Variants in EML6 observed in about 807,000 individuals in gnomAD.
EML6 encodes the protein echinoderm microtubule-associated protein-like 6.
Under a neutral mutation model 240.1 loss-of-function variants are expected in EML6, and 154 were observed. The ratio of observed to expected loss-of-function variants is 0.64; its 90% CI spans 0.56 to 0.73. The LOEUF (loss-of-function observed/expected upper bound fraction) is 0.73, where lower values mean the gene tolerates loss of function less well. Among genes scored for constraint, EML6 ranks in the 30% least tolerant of loss-of-function variants. The probability of loss-of-function intolerance (pLI) is 0.00; values close to 1 mark genes in which losing one functional copy is unlikely to be tolerated. For missense variants in EML6, 2,964 were observed against 2,474.6 expected, an observed-to-expected ratio of 1.20 and a Z score of -4.20; for synonymous variants, 1,148 against 899.0, an observed-to-expected ratio of 1.28 and a Z score of -4.95.
intron 16 of EML6, among the ~76,000 whole-genome samples, chr2:54,878,323 C>G (rs1671616030): frequency 6.6e-6 from 1 of 152,140 alleles, no homozygotes; most frequent in South Asian, 2.1e-4. Flanking sequence ...TTTATTTACC[C>G]TCATGGCTGG....
chr2:54,950,140 A>C (rs1675900308), intron 29 of EML6, among the ~76,000 whole-genome samples: 1 of 131,990 alleles, frequency 7.6e-6, no homozygotes, highest in Admixed American at 7.1e-5. Context: ...AACAGTATCT[A>C]GTTTTTGGGG....
intron 2 of EML6, among the ~76,000 whole-genome samples, chr2:54,804,852 T>A (rs181252238): frequency 4.6e-5 from 7 of 152,360 alleles, no homozygotes; most frequent in Admixed American, 3.3e-4. Flanking sequence ...TCTTTAGACA[T>A]GTTGACTTCC....
chr2:54,891,542 T>C (rs1672467924), intron 18 of EML6, among the ~76,000 whole-genome samples: 1 of 152,202 alleles, frequency 6.6e-6, no homozygotes, highest in Non-Finnish European at 1.5e-5. Flanking sequence ...AAACCTGAAT[T>C]AAACCCTGAG....
chr2:54,903,633 C>T (rs891834078), intron 24 of EML6, 131 bp downstream of exon 24: 2 of 767,752 alleles, frequency 2.6e-6, no homozygotes, highest in Admixed American at 6.2e-5. Flanking sequence ...ATATAAACGA[C>T]TGTAATTTTA....
chr2:54,862,752 T>C (rs1314379184), intron 12 of EML6, among the ~76,000 whole-genome samples: 2 of 152,164 alleles, frequency 1.3e-5, no homozygotes, highest in African/African-American at 4.8e-5. Flanking sequence ...CAGAGCATTA[T>C]AAGTAGTCAG....
rs1398072850 is a variant in EML6 at position 54,774,231 on chromosome 2, TGAGAC to T, written c.198-38998_198-38994del. ...GGTTGAGTTTCCTAGGAAGCAGCTC[TGAGAC>T]GAAGTTCAGCTTGCAAAATGTTTAT... On this transcript the variant is annotated intron_variant, in intron 2 of 41. Transcript: ENST00000356458. The surrounding 1 kb of genome is among the most constrained non-coding windows in gnomAD (Gnocchi z 4.1). 6.6e-6 allele frequency among the ~76,000 whole-genome samples: 1 copy of T among 152,176 alleles called. No individual in the cohort carries two copies.
chr2:54,894,990 G>A lies in EML6; in HGVS notation c.2818G>A (p.Ala940Thr). ...DMFERCLKTY[A>T]IKRSALSTSS... is the part of the protein sequence containing the mutation. ...GTTTGAAAGATGTTTGAAGACTTAT[G>A]CCATTAAAAGATCAGCATTGTCGAC... The change falls in exon 20 of 42, where the codon GCC becomes ACC. Residue 940 changes from alanine (A) to threonine (T), a missense_variant. Physicochemically the swap from Ala to Thr is moderately conservative, Grantham distance 58. Coordinates refer to ENST00000356458, the MANE Select transcript of EML6 (RefSeq NM_001039753.4). 2 of 1,551,508 alleles carry A rather than the reference G, an allele frequency of 1.3e-6. No homozygotes were observed. Among genetic ancestry groups the A allele is most frequent in the African/African-American group, 1.4e-5 (1 of 73,152 alleles).
In EML6 at chr2:54,915,415, C is replaced by T. The variant is rs561277490; in HGVS notation, c.3499-1344C>T. 4.6e-5 allele frequency among the ~76,000 whole-genome samples: 7 copies of T among 152,214 alleles called. 1 individual carries two copies. The South Asian group carries it at 1.0e-3, about 23-fold the overall frequency. On this transcript the variant is annotated intron_variant, in intron 25 of 41. Coordinates refer to ENST00000356458, the MANE Select transcript of EML6 (RefSeq NM_001039753.4). ...GCCAAAAGCATGCTTCCAGAACCAG[C>T]AAGGGATGGTTCCCTGCTTCTCTTC...
At chr2:54,752,670 A>G (rs1286570219) in intron 2 of EML6, among the ~76,000 whole-genome samples, 1 of 152,236 alleles carries the variant, frequency 6.6e-6, no homozygotes, top group African/African-American at 2.4e-5. Context: ...CTGTGTGAAT[A>G]TAATTTATTC....
chr2:54,913,058 C>A lies in EML6; in HGVS notation c.3498+2016C>A, dbSNP rs1470220458. Among the ~76,000 whole-genome samples, 4 of 145,354 alleles carry A rather than the reference C, an allele frequency of 2.8e-5. No homozygotes were observed. In the South Asian group the frequency reaches 6.6e-4, roughly 24 times the overall value. ...ATAAGCATTCCCTTTACTCTTCAGC[C>A]TTGCCAGATTCTGTTTTTTTTTTTT... On this transcript the variant is annotated intron_variant, in intron 25 of 41. Coordinates refer to ENST00000356458, the MANE Select transcript of EML6 (RefSeq NM_001039753.4).
intron 2 of EML6, among the ~76,000 whole-genome samples, chr2:54,786,165 T>C (rs1277821889): frequency 2.6e-5 from 4 of 152,008 alleles, no homozygotes; most frequent in Non-Finnish European, 5.9e-5. Flanking sequence ...GAGGAGGAGA[T>C]GGCTGGGCCC....
intron 30 of EML6, among the ~76,000 whole-genome samples, chr2:54,951,598 G>T (rs544729628): frequency 6.7e-6 from 1 of 150,370 alleles, no homozygotes; most frequent in Non-Finnish European, 1.5e-5. Flanking sequence ...TTTTAAAAAT[G>T]AACATTTCAA....
At chr2:54,825,749 G>GC (rs895135590) in intron 5 of EML6, among the ~76,000 whole-genome samples, 1 of 152,162 alleles carries the variant, frequency 6.6e-6, no homozygotes, top group Non-Finnish European at 1.5e-5. Flanking sequence ...ACATAGGACA[G>GC]CCCCCCACCC....
chr2:54,930,360 C>G (rs1275727886), intron 28 of EML6, among the ~76,000 whole-genome samples: 1 of 152,184 alleles, frequency 6.6e-6, no homozygotes, highest in East Asian at 1.9e-4. Flanking sequence ...GTCAACATTT[C>G]GTACTGCCAA....
intron 2 of EML6, among the ~76,000 whole-genome samples, chr2:54,738,015 T>G (rs1321521604): frequency 6.6e-6 from 1 of 152,194 alleles, no homozygotes; most frequent in Non-Finnish European, 1.5e-5. Context: ...ATGACATTAC[T>G]CACTTCCCTT....
intron 9 of EML6, among the ~76,000 whole-genome samples, chr2:54,848,037 G>T (rs1355854168): frequency 6.8e-6 from 1 of 148,094 alleles, no homozygotes; most frequent in African/African-American, 2.5e-5. Flanking sequence ...AATTCCAAGG[G>T]TTTTGGATAA....
intron 12 of EML6, among the ~76,000 whole-genome samples, chr2:54,860,893 C>T (rs972275541): frequency 6.6e-6 from 1 of 152,182 alleles, no homozygotes; most frequent in African/African-American, 2.4e-5. Context: ...CCATCCTAAA[C>T]CTCTTTGCTC....
chr2:54,793,719 G>A (rs904870630), intron 2 of EML6, among the ~76,000 whole-genome samples: 1 of 152,114 alleles, frequency 6.6e-6, no homozygotes, highest in Non-Finnish European at 1.5e-5. Context: ...TGTGGCTGGT[G>A]ACTACATAAG....
At chr2:54,749,932 G>C (rs1025157261) in intron 2 of EML6, among the ~76,000 whole-genome samples, 1 of 152,134 alleles carries the variant, frequency 6.6e-6, no homozygotes, top group Non-Finnish European at 1.5e-5. Context: ...TCCATTTGAG[G>C]CTTTCAGAGA....
Sources: allele counts gnomAD v4.1 joint callset (sites outside exome capture counted in the v4.1 genomes callset), GRCh38; gene constraint gnomAD v4.1.1; non-coding constraint Gnocchi (gnomAD v3.1); transcripts MANE v1.5; gene names NCBI Gene and HGNC (gene_info 2026-07-23, HGNC 2026-07-21).